ITGA2: variants seen among roughly 807,000 people sequenced by gnomAD.
ITGA2 encodes integrin alpha-2.
A neutral mutation model predicts 146.3 loss-of-function variants in ITGA2; 101 were observed. The ratio of observed to expected loss-of-function variants is 0.69; its 90% CI spans 0.59 to 0.81. The LOEUF (loss-of-function observed/expected upper bound fraction) is 0.81. ITGA2 is among the 40% of genes least tolerant of loss of function. ITGA2 has a pLI of 0.00. For missense variants in ITGA2, 1,281 were observed against 1,402.7 expected, an observed-to-expected ratio of 0.91 and a Z score of 1.39; for synonymous variants, 477 against 487.1, an observed-to-expected ratio of 0.98 and a Z score of 0.27.
At chr5:53,083,790 C>A (rs746124776) in intron 27 of ITGA2, among the ~76,000 whole-genome samples, 1 of 152,194 alleles carries the variant, frequency 6.6e-6, no homozygotes, top group Non-Finnish European at 1.5e-5. Flanking sequence ...GGTTCCTCCA[C>A]TCTCCATCTT....
chr5:53,081,573 G>C lies in ITGA2; in HGVS notation c.3040-19G>C. The C allele has an allele frequency of 2.6e-6, 4 of 1,563,430 alleles. No homozygotes were observed. Among genetic ancestry groups the C allele is most frequent in the Non-Finnish European group, 3.5e-6 (4 of 1,136,346 alleles). ...ACTGTTTTGCTTCTGAAGTCTGATCGGGTGTTCTTCTTTTATAGGCTGGTG... is the reference window on the plus strand; with the variant it reads ...ACTGTTTTGCTTCTGAAGTCTGATCCGGTGTTCTTCTTTTATAGGCTGGTG... On this transcript the variant is annotated intron_variant, in intron 25 of 29. Transcript: ENST00000296585.
chr5:53,012,430 C>T (rs1742180014), intron 1 of ITGA2, among the ~76,000 whole-genome samples: 1 of 152,076 alleles, frequency 6.6e-6, no homozygotes. Context: ...AGAAATGATT[C>T]TGTCTTAAGC....
At chr5:53,011,641 A>G (rs1742133568) in intron 1 of ITGA2, among the ~76,000 whole-genome samples, 1 of 152,158 alleles carries the variant, frequency 6.6e-6, no homozygotes, top group African/African-American at 2.4e-5. Flanking sequence ...TAAGTATAAA[A>G]TATTTTCCCC....
At chr5:53,042,071 T>C in intron 2 of ITGA2, 41 bp from the exon 3 acceptor site, 14 of 1,142,198 alleles carry the variant, frequency 1.2e-5, no homozygotes, top group Non-Finnish European at 1.9e-5. Context: ...TAAGAAACTA[T>C]ACTTAACACT....
chr5:53,040,335 G>T (rs1003365366), intron 2 of ITGA2, among the ~76,000 whole-genome samples: 11 of 152,122 alleles, frequency 7.2e-5, no homozygotes, highest in African/African-American at 2.4e-4. Context: ...ACTATGAAAT[G>T]AAGACCTGTA....
At chr5:53,024,094 C>T (rs1742817679) in intron 1 of ITGA2, among the ~76,000 whole-genome samples, 1 of 152,104 alleles carries the variant, frequency 6.6e-6, no homozygotes, top group African/African-American at 2.4e-5. Flanking sequence ...ATGAGCCAAA[C>T]CTAGACTCAG....
intron 17 of ITGA2, 127 bp from the exon 18 acceptor site, chr5:53,071,811 C>T: frequency 1.4e-6 from 1 of 724,902 alleles, no homozygotes; most frequent in Non-Finnish European, 2.5e-6. Context: ...AGATATTCTA[C>T]ATAATTGAGA....
chr5:53,071,972 G>C lies in ITGA2; in HGVS notation c.2270G>C (p.Arg757Pro). 6.2e-7 allele frequency: 1 copy of C among 1,612,336 alleles called. No homozygotes were observed. Among genetic ancestry groups the C allele is most frequent in the Non-Finnish European group, 8.5e-7 (1 of 1,178,912 alleles). The change falls in exon 18 of 30, where the codon CGT (arginine) becomes CCT (proline). Residue 757 changes from arginine (R) to proline (P), a missense_variant. Around this residue, in one of 3 missense-constraint regions of ITGA2, gnomAD observed 475 missense variants for 530.5 expected, o/e 0.90. Transcript: ENST00000296585. ...PSDVVNSLDL[R>P]VDISLENPGT... is the part of the protein sequence containing the mutation. ...GATGTTGTCAACTCTTTGGATTTGC[G>C]TGTGGACATCAGTCTGGAAAACCCT...
At position 53,048,659 on chromosome 5, in the gene ITGA2, A is replaced by G; in HGVS notation, c.519A>G (p.Ile173Met). The change falls in exon 6 of 30, where the codon ATA (isoleucine) becomes ATG (methionine). Residue 173 changes from isoleucine (I) to methionine (M), a missense_variant. This residue lies in a region of ITGA2 where 795 missense variants were observed against 841.7 expected (regional missense o/e 0.94). Coordinates refer to ENST00000296585, the MANE Select transcript of ITGA2 (RefSeq NM_002203.4). Reference protein sequence around the residue: ...SPATQPCPSLIDVVVVCDESN... With the variant: ...SPATQPCPSLMDVVVVCDESN... ...CCTGTGTAGCCTGCCCTTCCCTCAT[A>G]GATGTTGTGGTTGTGTGTGATGAAT... 2 of 1,613,964 alleles carry G rather than the reference A, an allele frequency of 1.2e-6. No individual in the cohort carries two copies. Among genetic ancestry groups the G allele is most frequent in the Non-Finnish European group, 1.7e-6 (2 of 1,179,964 alleles).
At chr5:53,057,546 C>T (rs1255345361) in intron 9 of ITGA2, among the ~76,000 whole-genome samples, 2 of 151,894 alleles carry the variant, frequency 1.3e-5, no homozygotes, top group Non-Finnish European at 2.9e-5. Flanking sequence ...CAGTTATCTC[C>T]CAGCAGTCTT....
intron 21 of ITGA2, 78 bp downstream of exon 21, chr5:53,074,555 C>T (rs1745571219): frequency 8.8e-7 from 1 of 1,135,220 alleles, no homozygotes. Flanking sequence ...TAACATCTTG[C>T]TATCATGATT....
intron 23 of ITGA2, among the ~76,000 whole-genome samples, chr5:53,076,094 G>A (rs1014979403): frequency 6.6e-6 from 1 of 151,972 alleles, no homozygotes; most frequent in Non-Finnish European, 1.5e-5. Flanking sequence ...TAGAAGTAAG[G>A]TGAGTTCATG....
At chr5:53,020,619 G>A (rs1422456528) in intron 1 of ITGA2, among the ~76,000 whole-genome samples, 1 of 151,680 alleles carries the variant, frequency 6.6e-6, no homozygotes, top group Non-Finnish European at 1.5e-5. Context: ...CAGGGTAGGA[G>A]AAGCAATTTT....
chr5:53,059,123 A>G (rs1235610816), intron 10 of ITGA2, among the ~76,000 whole-genome samples: 4 of 151,964 alleles, frequency 2.6e-5, no homozygotes, highest in Non-Finnish European at 5.9e-5. Context: ...AAAATAGTGT[A>G]TCTCATCCTC....
intron 25 of ITGA2, among the ~76,000 whole-genome samples, chr5:53,080,931 T>C (rs527736399): frequency 3.4e-4 from 52 of 152,230 alleles, no homozygotes; most frequent in African/African-American, 1.2e-3. Flanking sequence ...ATGGGGAGCA[T>C]AGCAGGTCTT....
At chr5:52,998,620 T>A (rs1178281658) in intron 1 of ITGA2, among the ~76,000 whole-genome samples, 1 of 152,214 alleles carries the variant, frequency 6.6e-6, no homozygotes, top group African/African-American at 2.4e-5. Flanking sequence ...CTAGGAACCC[T>A]GCCAATCTTC....
At chr5:53,010,752 G>C (rs925733910) in intron 1 of ITGA2, among the ~76,000 whole-genome samples, 1 of 152,162 alleles carries the variant, frequency 6.6e-6, no homozygotes. Flanking sequence ...AGGTGACAGA[G>C]TATAGTGGCT....
Position 53,090,669 on chromosome 5 carries a change from TTC to T in ITGA2, c.*72_*73del, listed in dbSNP as rs1561162562. 38 of 1,242,018 alleles carry T rather than the reference TTC, an allele frequency of 3.1e-5. No individual in the cohort carries two copies. Among genetic ancestry groups the T allele is most frequent in the South Asian group, 2.8e-4 (23 of 82,754 alleles). 76.9% of individuals were successfully genotyped at this position (1,242,018 alleles called of 1,614,324 possible). On this transcript the variant is annotated 3_prime_UTR_variant, in exon 30 of 30. Transcript: ENST00000296585. ...GGGTTTGCTGTTTGCGTGAATGGATTTCTTTTTAAATCCCATATTTTTTTTAT... is the reference window on the plus strand; with the variant it reads ...GGGTTTGCTGTTTGCGTGAATGGATTTTTTTAAATCCCATATTTTTTTTAT...
chr5:52,995,691 A>G (rs1332928843), intron 1 of ITGA2, among the ~76,000 whole-genome samples: 2 of 152,218 alleles, frequency 1.3e-5, no homozygotes, highest in Non-Finnish European at 1.5e-5. Flanking sequence ...CTAATTAGCA[A>G]ATAGTTATAT....
Sources: gnomAD v4.1 joint callset for allele counts (sites outside exome capture counted in the v4.1 genomes callset) on GRCh38, gnomAD v4.1.1 for gene constraint, gnomAD v4.1.1 regional missense constraint, MANE v1.5 for transcripts, NCBI Gene and HGNC (gene_info 2026-07-23, HGNC 2026-07-21) for gene names.